The following CASKIN1 variants were observed in gnomAD, a reference collection of about 807,000 sequenced individuals.
CASKIN1 encodes the protein CASK interacting protein 1, also known as caskin-1.
A neutral mutation model predicts 117.5 loss-of-function variants in CASKIN1; 42 were observed. That is an observed-to-expected ratio of 0.36 (90% CI 0.28 to 0.46). The LOEUF is 0.46. CASKIN1 is among the 20% of genes least tolerant of loss of function. CASKIN1 has a pLI of 1.00. For synonymous variants in CASKIN1, 1,148 were observed against 961.7 expected (o/e 1.19, Z -3.59); for missense variants, 2,083 against 2,077.3 (o/e 1.00, Z -0.05).
Position 2,180,002 on chromosome 16 carries a change from G to A in CASKIN1, c.3366C>T (p.Ala1122=). Residue 1122 remains alanine, a synonymous_variant, in exon 18 of 20, where the codon GCC becomes GCT. Coordinates refer to ENST00000343516, the MANE Select transcript of CASKIN1 (RefSeq NM_020764.4). The part of the protein sequence containing the change: ...GPPLAKVEAS[A]TLKRRIRAKQ... The stretch of plus-strand genomic sequence containing the variant: ...TGGCCCGGATGCGCCTCTTGAGTGT[G>A]GCGCTGGCTTCCACCTTGGCCAAGG... 6.2e-7 allele frequency: 1 copy of A among 1,602,884 alleles called. No individual in the cohort carries two copies.
chr16:2,188,992 C>T (rs1169213649), intron 6 of CASKIN1, 35 bp downstream of exon 6: 8 of 1,593,942 alleles, frequency 5.0e-6, no homozygotes, highest in African/African-American at 1.3e-5. Flanking sequence ...CCCTGGGGAC[C>T]CTAAGGCTGA....
chr16:2,180,362 C>T lies in CASKIN1; in HGVS notation c.3006G>A (p.Lys1002=). 6.3e-7 allele frequency: 1 copy of T among 1,595,724 alleles called. No homozygotes were observed. The highest frequency in any genetic ancestry group is 2.2e-5 in the East Asian group (1 of 44,510). ...ACAGCTCCAGCATGGCCGCGATGCTCTTCACACTGCCGGCACTACCCGTGT... is the reference window on the plus strand; with the variant it reads ...ACAGCTCCAGCATGGCCGCGATGCTTTTCACACTGCCGGCACTACCCGTGT... ...SVDTGSAGSV[K]SIAAMLELSS... is the part of the protein sequence containing the mutation. The change falls in exon 18 of 20, where the codon AAG becomes AAA. Residue 1002 remains lysine (K), a synonymous_variant. Transcript: ENST00000343516.
chr16:2,185,397 C>A lies in CASKIN1; in HGVS notation c.1060G>T (p.Gly354Cys). The A allele has an allele frequency of 6.2e-7, 1 of 1,607,280 alleles. No homozygotes were observed. Among genetic ancestry groups the A allele is most frequent in the Non-Finnish European group, 8.5e-7 (1 of 1,176,228 alleles). ...AIVKRAGSRA[G>C]TEPSLPQGSS... ...CCCTGGGGCAGGCTTGGTTCAGTGC[C>A]TGCTCGGGAACCTGTGGGTCAAGCA... Residue 354 changes from glycine to cysteine, a missense_variant, in exon 11 of 20, where the codon GGC (glycine) becomes TGC (cysteine). Coordinates refer to ENST00000343516, the MANE Select transcript of CASKIN1 (RefSeq NM_020764.4).
Position 2,179,033 on chromosome 16 carries a change from G to T in CASKIN1, c.4068C>A (p.Pro1356=), listed in dbSNP as rs1374216464. Residue 1356 remains proline (P), a synonymous_variant, in exon 19 of 20, where the codon CCC becomes CCA. Coordinates refer to ENST00000343516, the MANE Select transcript of CASKIN1 (RefSeq NM_020764.4). This position sits in a 1 kb window ranked among gnomAD's most constrained non-coding sequence, Gnocchi z 5.8. Reference sequence around the variant, plus strand: ...GCGAGGCGCCTTCGGGCGGGGCGGGGGGCGCGGCGGCGGCGGCGGCGGCGG... The same window carrying T: ...GCGAGGCGCCTTCGGGCGGGGCGGGTGGCGCGGCGGCGGCGGCGGCGGCGG... ...AAAAAAAAAA[P]PAPPEGASPG... The T allele has an allele frequency of 1.1e-5, 13 of 1,137,384 alleles. No homozygotes were observed. The highest frequency in any genetic ancestry group is 1.4e-5 in the Non-Finnish European group (13 of 928,464). The allele number at this position is 1,137,384 out of a possible 1,614,324, so 70.5% of individuals were successfully genotyped here.
Position 2,186,514 on chromosome 16 carries a change from G to A in CASKIN1, c.1048+193C>T, listed in dbSNP as rs1380521022. Among the ~76,000 whole-genome samples, 7 of 152,198 alleles carry A rather than the reference G, an allele frequency of 4.6e-5. No individual in the cohort carries two copies. In the East Asian group the frequency reaches 7.7e-4, roughly 17 times the overall value. ...ACATGGCAGCACACAGTGCTTGGTA[G>A]AACGCATAAAGGAATAGGTGTGGGA... On this transcript the variant is annotated intron_variant, in intron 10 of 19. Coordinates refer to ENST00000343516, the MANE Select transcript of CASKIN1 (RefSeq NM_020764.4).
rs762864482 is a variant in CASKIN1 at position 2,181,523 on chromosome 16, C to G, written c.1845G>C (p.Gly615=). The change falls in exon 18 of 20, where the codon GGG becomes GGC. Residue 615 remains glycine (G), a synonymous_variant. Coordinates refer to ENST00000343516, the MANE Select transcript of CASKIN1 (RefSeq NM_020764.4). The part of the protein sequence containing the change: ...LQKAEYAKYE[G]GPLRRKAPQS... ...GGGGCGCCTTCCGGCGCAGGGGGCC[C>G]CCCTCATACTTGGCGTATTCAGCCT... 1 of 1,605,988 alleles carries G rather than the reference C, an allele frequency of 6.2e-7. No individual in the cohort carries two copies. The highest frequency in any genetic ancestry group is 8.5e-7 in the Non-Finnish European group (1 of 1,177,726).
At position 2,181,303 on chromosome 16, in the gene CASKIN1, T is replaced by C; in HGVS notation, c.2065A>G (p.Thr689Ala). Reference sequence around the variant, plus strand: ...CCCAGGCTGGAGTCCTGCCGCGTGGTGGCCCTCGGGGTGGGTGGCAGGTGG... The same window carrying C: ...CCCAGGCTGGAGTCCTGCCGCGTGGCGGCCCTCGGGGTGGGTGGCAGGTGG... ...SSHLPPTPRATTRQDSSLGGR... is the reference protein window; with the variant it reads ...SSHLPPTPRAATRQDSSLGGR... The change falls in exon 18 of 20, where the codon ACC (threonine) becomes GCC (alanine). Residue 689 changes from threonine (T) to alanine (A), a missense_variant. Around this residue, in one of 3 missense-constraint regions of CASKIN1, gnomAD observed 1,818 missense variants for 1,688.9 expected, o/e 1.08. Coordinates refer to ENST00000343516, the MANE Select transcript of CASKIN1 (RefSeq NM_020764.4). The C allele has an allele frequency of 6.2e-7, 1 of 1,603,604 alleles. No individual in the cohort carries two copies. Among genetic ancestry groups the C allele is most frequent in the Admixed American group, 1.7e-5 (1 of 59,746 alleles).
rs927814321 is a variant in CASKIN1, at chr16:2,179,237, C to T, written c.3864G>A (p.Ala1288=). The change falls in exon 19 of 20, where the codon GCG becomes GCA. Residue 1288 remains alanine, a synonymous_variant. Coordinates refer to ENST00000343516, the MANE Select transcript of CASKIN1 (RefSeq NM_020764.4). This position sits in a 1 kb window ranked among gnomAD's most constrained non-coding sequence, Gnocchi z 5.8. ...GGCCGGCGCTGCCCGAAGGCAGCCC[C>T]GCGACCGCCTTGACGGGCTTGGGCG... ...PTAPKPVKAV[A]GLPSGSAGPS... is the part of the protein sequence containing the mutation. 8.4e-7 allele frequency: 1 copy of T among 1,195,016 alleles called. No homozygotes were observed. Among genetic ancestry groups the T allele is most frequent in the Non-Finnish European group, 1.0e-6 (1 of 964,810 alleles). The allele number at this position is 1,195,016 out of a possible 1,614,324, so 74.0% of individuals were successfully genotyped here.
chr16:2,189,580 A>T lies in CASKIN1; in HGVS notation c.245-16T>A. ...GGCCGCATGCCTGGGGGGCGAGGGGATGCTGGGAGCTGACCCTTGACCCCA... is the reference window on the plus strand; with the variant it reads ...GGCCGCATGCCTGGGGGGCGAGGGGTTGCTGGGAGCTGACCCTTGACCCCA... On this transcript the variant is annotated splice_polypyrimidine_tract_variant and intron_variant, in intron 3 of 19. Transcript: ENST00000343516. The T allele has an allele frequency of 6.3e-7, 1 of 1,587,422 alleles. No individual in the cohort carries two copies. Among genetic ancestry groups the T allele is most frequent in the Middle Eastern group, 1.9e-4 (1 of 5,256 alleles).
Position 2,180,513 on chromosome 16 carries a change from C to T in CASKIN1, c.2855G>A (p.Arg952His). Reference sequence around the variant, plus strand: ...GGCACTAGCCAGGGCCGAGCTGGAGCGCTTGGGTGGGGGCGGCGGGGGCCC... The same window carrying T: ...GGCACTAGCCAGGGCCGAGCTGGAGTGCTTGGGTGGGGGCGGCGGGGGCCC... The part of the protein sequence containing the change: ...KKGPPPPPPK[R>H]SSSALASANL... Residue 952 changes from arginine (R) to histidine (H), a missense_variant, in exon 18 of 20, where the codon CGC (arginine) becomes CAC (histidine). Transcript: ENST00000343516. The T allele has an allele frequency of 6.4e-7, 1 of 1,551,678 alleles. No homozygotes were observed. The highest frequency in any genetic ancestry group is 8.7e-7 in the Non-Finnish European group (1 of 1,154,750).
intron 10 of CASKIN1, among the ~76,000 whole-genome samples, 154 bp downstream of exon 10, chr16:2,186,553 C>T (rs1205295384): frequency 1.3e-5 from 2 of 152,118 alleles, no homozygotes; most frequent in Non-Finnish European, 2.9e-5. Context: ...GACGAGGAGA[C>T]GGCCGCTGGG....
Position 2,186,631 on chromosome 16 carries a change from C to G in CASKIN1, c.1048+76G>C, listed in dbSNP as rs570613580. ...AACCCAGCCCTGCTGGGCCCCCACA[C>G]CCTCAGCACACTCGCTGCTTCCAGC... On this transcript the variant is annotated intron_variant, in intron 10 of 19. Transcript: ENST00000343516. The G allele has an allele frequency of 2.9e-5, 39 of 1,335,312 alleles. No individual in the cohort carries two copies. In the Admixed American group the frequency reaches 5.4e-4, roughly 19 times the overall value. The allele number at this position is 1,335,312 out of a possible 1,614,324, so 82.7% of individuals were successfully genotyped here. A position where few individuals can be genotyped will look rare whatever the true frequency, so the allele number is the denominator to read the frequency against.
chr16:2,179,282 C>T lies in CASKIN1; in HGVS notation c.3819G>A (p.Lys1273=). 8.2e-7 allele frequency: 1 copy of T among 1,222,978 alleles called. No homozygotes were observed. Among genetic ancestry groups the T allele is most frequent in the Non-Finnish European group, 1.0e-6 (1 of 982,888 alleles). The allele number at this position is 1,222,978 out of a possible 1,614,324, so 75.8% of individuals were successfully genotyped here. ...TGGGCGCTGTGGGCGGCGGCGGCGG[C>T]TTGGGAGACACGGGCGGTGGCGTGC... The part of the protein sequence containing the change: ...AHGTPPPVSP[K]PPPPPTAPKP... The change falls in exon 19 of 20, where the codon AAG becomes AAA. Residue 1273 remains lysine (K), a synonymous_variant. Coordinates refer to ENST00000343516, the MANE Select transcript of CASKIN1 (RefSeq NM_020764.4). This position sits in a 1 kb window ranked among gnomAD's most constrained non-coding sequence, Gnocchi z 5.8.
intron 1 of CASKIN1, among the ~76,000 whole-genome samples, chr16:2,194,549 C>G (rs756230644): frequency 2.0e-5 from 3 of 152,196 alleles, no homozygotes; most frequent in Non-Finnish European, 2.9e-5. Flanking sequence ...ACACCCCCCA[C>G]CTCGTGGCCC....
rs369556238 is a variant in CASKIN1 at position 2,185,129 on chromosome 16, C to G, written c.1221G>C (p.Ala407=). The change falls in exon 12 of 20, where the codon GCG becomes GCC. Residue 407 remains alanine (A), a synonymous_variant. Transcript: ENST00000343516. The stretch of plus-strand genomic sequence containing the variant: ...CACCTACCTTGACGCCTTCAGAGCC[C>G]GCGTGTAGGGCGTGACCCCCGCTGC... The part of the protein sequence containing the change: ...GRGSGGHALH[A]GSEGVKLLAT... The G allele has an allele frequency of 1.2e-6, 2 of 1,609,062 alleles. No homozygotes were observed. Among genetic ancestry groups the G allele is most frequent in the Admixed American group, 3.3e-5 (2 of 59,972 alleles).
rs748621679 is a variant in CASKIN1, at chr16:2,178,953, G to A, written c.4148C>T (p.Ala1383Val). 5.4e-6 allele frequency: 8 copies of A among 1,486,838 alleles called. No individual in the cohort carries two copies. The Admixed American group carries it at 9.1e-5, about 17-fold the overall frequency. The allele number at this position is 1,486,838 out of a possible 1,614,324, so 92.1% of individuals were successfully genotyped here. Reference sequence around the variant, plus strand: ...GATCTTCTCCTCCACCGCCTGCAGCGCCGCGGCCAGGCACGCGCTTGTCTC... The same window carrying A: ...GATCTTCTCCTCCACCGCCTGCAGCACCGCGGCCAGGCACGCGCTTGTCTC... ...LEETSACLAAALQAVEEKIRQ... is the reference protein window; with the variant it reads ...LEETSACLAAVLQAVEEKIRQ... The change falls in exon 19 of 20, where the codon GCG becomes GTG. Residue 1383 changes from alanine to valine, a missense_variant. Transcript: ENST00000343516.
Position 2,182,024 on chromosome 16 carries a change from A to G in CASKIN1, c.1630-95T>C. The G allele has an allele frequency of 6.4e-7, 1 of 1,559,792 alleles. No homozygotes were observed. Among genetic ancestry groups the G allele is most frequent in the East Asian group, 2.3e-5 (1 of 44,326 alleles). On this transcript the variant is annotated intron_variant, in intron 16 of 19. Coordinates refer to ENST00000343516, the MANE Select transcript of CASKIN1 (RefSeq NM_020764.4). The surrounding 1 kb of genome is among the most constrained non-coding windows in gnomAD (Gnocchi z 4.1). ...GAGGAGGAAGGGTCACCGGGCCAGC[A>G]GGGCACAGACAGACAGGAGGACAAA...
At position 2,180,888 on chromosome 16, in the gene CASKIN1, G is replaced by A. The variant is rs1471502766; in HGVS notation, c.2480C>T (p.Pro827Leu). 4.1e-5 allele frequency: 59 copies of A among 1,439,228 alleles called. No individual in the cohort carries two copies. Among genetic ancestry groups the A allele is most frequent in the South Asian group, 6.1e-5 (4 of 65,326 alleles). 89.2% of individuals were successfully genotyped at this position (1,439,228 alleles called of 1,614,324 possible). A position where few individuals can be genotyped will look rare whatever the true frequency, so the allele number is the denominator to read the frequency against. Reference protein sequence around the residue: ...PMSPRSLPQSPTHRGFAYVLP... With the variant: ...PMSPRSLPQSLTHRGFAYVLP... ...CACGTAGGCAAAGCCGCGGTGCGTC[G>A]GTGACTGAGGCAGGGAGCGGGGTGA... Residue 827 changes from proline to leucine, a missense_variant, in exon 18 of 20, where the codon CCG (proline) becomes CTG (leucine). Around this residue, in one of 3 missense-constraint regions of CASKIN1, gnomAD observed 1,818 missense variants for 1,688.9 expected, o/e 1.08. Transcript: ENST00000343516.
intron 1 of CASKIN1, among the ~76,000 whole-genome samples, chr16:2,195,157 G>C (rs987058488): frequency 3.3e-5 from 5 of 152,212 alleles, no homozygotes; most frequent in South Asian, 2.1e-4. Context: ...AAATCAGCTC[G>C]GGGCCAGCCT....
Sources: gnomAD v4.1 joint callset for allele counts (sites outside exome capture counted in the v4.1 genomes callset) on GRCh38, gnomAD v4.1.1 for gene constraint, gnomAD v4.1.1 regional missense constraint, Gnocchi (gnomAD v3.1) non-coding constraint, MANE v1.5 for transcripts, NCBI Gene and HGNC (gene_info 2026-07-23, HGNC 2026-07-21) for gene names.